Variants in FOXP1 observed in about 807,000 individuals in gnomAD.
FOXP1 encodes the protein forkhead box protein P1.
A neutral mutation model predicts 98.2 loss-of-function variants in FOXP1; 15 were observed. That is an observed-to-expected ratio of 0.15 (90% confidence interval 0.10 to 0.24). The LOEUF (loss-of-function observed/expected upper bound fraction) is 0.24, where lower values mean the gene tolerates loss of function less well. Ranked by LOEUF, FOXP1 falls within the 10% of genes least tolerant of loss-of-function variation. The probability of loss-of-function intolerance (pLI) is 1.00; values close to 1 mark genes in which losing one functional copy is unlikely to be tolerated. For synonymous variants in FOXP1, 371 were observed against 314.5 expected (o/e 1.18, Z -1.90); for missense variants, 633 against 848.5 (o/e 0.75, Z 3.15).
intron 10 of FOXP1, among the ~76,000 whole-genome samples, chr3:71,044,397 G>A (rs2048748950): frequency 6.6e-6 from 1 of 152,202 alleles, no homozygotes; most frequent in South Asian, 2.1e-4. Flanking sequence ...TGCTAGGGAG[G>A]ATGAGATGAT....
intron 5 of FOXP1, among the ~76,000 whole-genome samples, chr3:71,224,401 G>C (rs931122329): frequency 2.0e-5 from 3 of 152,198 alleles, no homozygotes; most frequent in African/African-American, 7.2e-5. Flanking sequence ...AGGGATAAGG[G>C]AGGGAGAGAT....
At chr3:71,476,478 C>T (rs1013415010) in intron 3 of FOXP1, among the ~76,000 whole-genome samples, 6 of 151,870 alleles carry the variant, frequency 4.0e-5, no homozygotes, top group Admixed American at 2.0e-4. Flanking sequence ...GTTATGTCTA[C>T]GACTGCCATT....
chr3:71,232,148 A>G (rs2066341650), intron 5 of FOXP1, among the ~76,000 whole-genome samples: 1 of 152,250 alleles, frequency 6.6e-6, no homozygotes, highest in African/African-American at 2.4e-5. Flanking sequence ...AGATAATATA[A>G]AAAGAATCTG....
intron 5 of FOXP1, among the ~76,000 whole-genome samples, chr3:71,245,739 T>A (rs1014575446): frequency 1.1e-4 from 16 of 152,052 alleles, no homozygotes; most frequent in African/African-American, 3.9e-4. Flanking sequence ...ATTTATTACC[T>A]GAAATTTCTA....
chr3:71,120,226 G>C (rs1015329077), intron 6 of FOXP1, among the ~76,000 whole-genome samples: 1 of 152,096 alleles, frequency 6.6e-6, no homozygotes, highest in African/African-American at 2.4e-5. Flanking sequence ...TGCAAATAAG[G>C]GTGTGGACTC....
At chr3:71,583,335 C>T (rs2048339818) in intron 1 of FOXP1, among the ~76,000 whole-genome samples, 1 of 152,046 alleles carries the variant, frequency 6.6e-6, no homozygotes, top group African/African-American at 2.4e-5. Flanking sequence ...AGCCCCCACC[C>T]ATCCCAGAGC....
intron 7 of FOXP1, among the ~76,000 whole-genome samples, chr3:71,054,653 T>C (rs2050368717): frequency 6.6e-6 from 1 of 152,198 alleles, no homozygotes; most frequent in Non-Finnish European, 1.5e-5. Flanking sequence ...AAATAATCAC[T>C]GCACTTGTGT....
intron 11 of FOXP1, among the ~76,000 whole-genome samples, chr3:71,028,983 G>C (rs1055427360): frequency 6.6e-6 from 1 of 152,126 alleles, no homozygotes; most frequent in Non-Finnish European, 1.5e-5. Flanking sequence ...TGAGCGATGG[G>C]GAGCGGCTGT....
intron 5 of FOXP1, among the ~76,000 whole-genome samples, chr3:71,208,536 TTGTGTG>T (rs1553780525): frequency 6.7e-6 from 1 of 149,344 alleles, no homozygotes; most frequent in Non-Finnish European, 1.5e-5. Context: ...GCATTTAAGT[TTGTGTG>T]TGTGTGTGTG....
chr3:71,366,286 C>G (rs1560377375), intron 3 of FOXP1, among the ~76,000 whole-genome samples: 1 of 152,062 alleles, frequency 6.6e-6, no homozygotes, highest in Non-Finnish European at 1.5e-5. Flanking sequence ...TTTTATGAAT[C>G]TGTCTTATCT....
intron 17 of FOXP1, among the ~76,000 whole-genome samples, chr3:70,973,040 C>T (rs1042009096): frequency 6.6e-5 from 10 of 152,176 alleles, no homozygotes; most frequent in African/African-American, 2.4e-4. Context: ...GCCCACCTAC[C>T]TCCCATAAAA....
chr3:71,526,537 A>G (rs1300768488), intron 2 of FOXP1, among the ~76,000 whole-genome samples: 2 of 152,226 alleles, frequency 1.3e-5, no homozygotes, highest in Non-Finnish European at 2.9e-5. Context: ...CGGGGCTCTA[A>G]GAAGCAAATG....
At chr3:71,317,317 C>A (rs1358084721) in intron 4 of FOXP1, among the ~76,000 whole-genome samples, 1 of 152,186 alleles carries the variant, frequency 6.6e-6, no homozygotes, top group Non-Finnish European at 1.5e-5. Flanking sequence ...TGACATGACG[C>A]CACGCTGTCA....
chr3:71,321,501 T>C (rs1395253417), intron 4 of FOXP1, among the ~76,000 whole-genome samples: 6 of 152,300 alleles, frequency 3.9e-5, no homozygotes, highest in South Asian at 2.1e-4. Context: ...CATAAGACTA[T>C]AGACATTTTC....
intron 7 of FOXP1, 36 bp downstream of exon 7, chr3:71,112,500 G>T: frequency 6.8e-7 from 1 of 1,470,152 alleles, no homozygotes; most frequent in Non-Finnish European, 9.5e-7. Context: ...ATCCCAAAGG[G>T]TATAATGTCA....
intron 2 of FOXP1, among the ~76,000 whole-genome samples, chr3:71,550,366 C>T (rs1335710141): frequency 6.6e-6 from 1 of 152,190 alleles, no homozygotes; most frequent in Non-Finnish European, 1.5e-5. Flanking sequence ...TATATAACCG[C>T]TCCGTGCCTC....
intron 3 of FOXP1, among the ~76,000 whole-genome samples, chr3:71,432,040 T>A (rs536735758): frequency 6.6e-6 from 1 of 152,156 alleles, no homozygotes; most frequent in Non-Finnish European, 1.5e-5. Context: ...AGGCTGCTAG[T>A]CTTTGAAAAC....
chr3:71,072,946 T>C (rs1037663945), intron 7 of FOXP1, among the ~76,000 whole-genome samples: 16 of 152,230 alleles, frequency 1.1e-4, no homozygotes, highest in Admixed American at 2.6e-4. Context: ...ATTAACAGTT[T>C]AATAAAGTCT....
intron 4 of FOXP1, among the ~76,000 whole-genome samples, chr3:71,350,076 G>A (rs2077679199): frequency 6.6e-6 from 1 of 152,136 alleles, no homozygotes; most frequent in Admixed American, 6.5e-5. Flanking sequence ...ACAGGAGATG[G>A]GGGTGACTTG....
Sources: allele counts gnomAD v4.1 joint callset (sites outside exome capture counted in the v4.1 genomes callset), GRCh38; gene constraint gnomAD v4.1.1; transcripts MANE v1.5; gene names NCBI Gene and HGNC (gene_info 2026-07-23, HGNC 2026-07-21).